PDSS2: variants seen among roughly 807,000 people sequenced by gnomAD.
The protein encoded by PDSS2 is all trans-polyprenyl-diphosphate synthase PDSS2.
In PDSS2, 31 loss-of-function variants were observed where a neutral mutation model predicts 44.5. That is an observed-to-expected ratio of 0.70 (90% CI 0.52 to 0.94). PDSS2 has a LOEUF of 0.94. Ranked by LOEUF, PDSS2 falls within the 40% of genes least tolerant of loss-of-function variation. PDSS2 has a pLI of 0.00. For missense variants in PDSS2, 452 were observed against 482.2 expected, an observed-to-expected ratio of 0.94 and a Z score of 0.59; for synonymous variants, 157 against 180.3, an observed-to-expected ratio of 0.87 and a Z score of 1.03.
At chr6:107,282,453 C>T (rs564106054) in intron 2 of PDSS2, among the ~76,000 whole-genome samples, 5 of 152,108 alleles carry the variant, frequency 3.3e-5, no homozygotes, top group African/African-American at 4.8e-5. Flanking sequence ...AGTACAGTGG[C>T]GTGACCATGG....
intron 3 of PDSS2, among the ~76,000 whole-genome samples, chr6:107,248,929 T>C (rs897793851): frequency 6.6e-6 from 1 of 152,200 alleles, no homozygotes; most frequent in Non-Finnish European, 1.5e-5. Context: ...TACCTAGAAT[T>C]ATAATAAAAC....
chr6:107,270,802 TC>T (rs1287732998), intron 3 of PDSS2, among the ~76,000 whole-genome samples: 2 of 152,196 alleles, frequency 1.3e-5, no homozygotes, highest in Non-Finnish European at 2.9e-5. Context: ...AGAATATACT[TC>T]CAAAAACTTT....
intron 4 of PDSS2, among the ~76,000 whole-genome samples, chr6:107,236,384 T>C (rs919886069): frequency 6.6e-6 from 1 of 151,904 alleles, no homozygotes; most frequent in African/African-American, 2.4e-5. Flanking sequence ...AGGAGAATTG[T>C]TTGAACCTGG....
chr6:107,264,533 C>A (rs748594141), intron 3 of PDSS2: 2 of 1,388,660 alleles, frequency 1.4e-6, no homozygotes, highest in East Asian at 2.5e-5. Flanking sequence ...AAAAAAATAA[C>A]GTGATAAATT....
intron 7 of PDSS2, 119 bp downstream of exon 7, chr6:107,193,703 C>T (rs1772458617): frequency 1.3e-6 from 1 of 751,408 alleles, no homozygotes; most frequent in Non-Finnish European, 2.4e-6. Flanking sequence ...TGTTACTTAA[C>T]AGGAAATGTC....
rs189213971 is a variant in PDSS2, at chr6:107,361,258, G to T, written c.297-26926C>A. Among the ~76,000 whole-genome samples, 3 of 152,112 alleles carry T rather than the reference G, an allele frequency of 2.0e-5. No homozygotes were observed. In the East Asian group the frequency reaches 5.8e-4, roughly 29 times the overall value. Reference sequence around the variant, plus strand: ...ATTTCTTGAATTCTAAATATTGAAGGTAAACACCAGATATATGCCAATAAA... The same window carrying T: ...ATTTCTTGAATTCTAAATATTGAAGTTAAACACCAGATATATGCCAATAAA... On this transcript the variant is annotated intron_variant, in intron 1 of 7. Transcript: ENST00000369037.
At chr6:107,258,903 G>A (rs542899424) in intron 3 of PDSS2, among the ~76,000 whole-genome samples, 1 of 152,140 alleles carries the variant, frequency 6.6e-6, no homozygotes, top group South Asian at 2.1e-4. Flanking sequence ...TAAATTCCAG[G>A]ATTGATAACT....
intron 3 of PDSS2, among the ~76,000 whole-genome samples, chr6:107,260,016 A>G (rs1482493739): frequency 6.6e-6 from 1 of 152,250 alleles, no homozygotes; most frequent in African/African-American, 2.4e-5. Flanking sequence ...CAGAACAATG[A>G]CAATTAAGCC....
At chr6:107,255,034 T>C (rs1312057264) in intron 3 of PDSS2, among the ~76,000 whole-genome samples, 1 of 150,996 alleles carries the variant, frequency 6.6e-6, no homozygotes, top group Non-Finnish European at 1.5e-5. Context: ...CAGCTAACTT[T>C]TGACTTTTGT....
At chr6:107,296,682 G>A (rs534105724) in intron 2 of PDSS2, among the ~76,000 whole-genome samples, 8 of 152,206 alleles carry the variant, frequency 5.3e-5, no homozygotes, top group Admixed American at 3.9e-4. Context: ...AGCCAAGATT[G>A]TGCCATTGCA....
At chr6:107,295,003 C>T (rs1165743388) in intron 2 of PDSS2, among the ~76,000 whole-genome samples, 1 of 152,096 alleles carries the variant, frequency 6.6e-6, no homozygotes, top group African/African-American at 2.4e-5. Context: ...GATCTTGGCT[C>T]ACTGCAACCT....
intron 1 of PDSS2, among the ~76,000 whole-genome samples, chr6:107,452,086 A>T (rs764800098): frequency 6.6e-6 from 1 of 151,962 alleles, no homozygotes; most frequent in Non-Finnish European, 1.5e-5. Context: ...GCAGTGGTAC[A>T]ATCATAGCTC....
chr6:107,244,462 A>G (rs1171442341), intron 4 of PDSS2, among the ~76,000 whole-genome samples: 2 of 152,186 alleles, frequency 1.3e-5, no homozygotes, highest in Non-Finnish European at 2.9e-5. Context: ...CATAGTAGTG[A>G]ACTTGCATGT....
In PDSS2 at chr6:107,166,646, G is replaced by A. The variant is rs1391975564; in HGVS notation, c.1042-11869C>T. Reference sequence around the variant, plus strand: ...CCCAAAGTGCTGGGATTATAGGCGTGAGCCACCATGCCCGGCCTTTATTGA... The same window carrying A: ...CCCAAAGTGCTGGGATTATAGGCGTAAGCCACCATGCCCGGCCTTTATTGA... On this transcript the variant is annotated intron_variant, in intron 7 of 7. Transcript: ENST00000369037. 5.9e-5 allele frequency among the ~76,000 whole-genome samples: 9 copies of A among 152,310 alleles called. No homozygotes were observed. The South Asian group carries it at 1.0e-3, about 18-fold the overall frequency.
intron 3 of PDSS2, among the ~76,000 whole-genome samples, chr6:107,260,725 G>A (rs1469331867): frequency 2.9e-5 from 4 of 137,194 alleles, no homozygotes; most frequent in South Asian, 2.3e-4. Flanking sequence ...GTGCAGTGGC[G>A]CAATCTCGGC....
At chr6:107,305,682 A>G (rs773259387) in intron 2 of PDSS2, among the ~76,000 whole-genome samples, 2 of 152,190 alleles carry the variant, frequency 1.3e-5, no homozygotes, top group African/African-American at 2.4e-5. Flanking sequence ...AATTACACCA[A>G]TTATTTAGAG....
chr6:107,194,838 C>T, intron 6 of PDSS2, among the ~76,000 whole-genome samples: 1 of 152,062 alleles, frequency 6.6e-6, no homozygotes, highest in East Asian at 1.9e-4. Context: ...GTAATCCCAG[C>T]TACTCAGAAG....
rs1359290066 is a variant in PDSS2, at chr6:107,367,555, A to AAG, written c.297-33224_297-33223insCT. Among the ~76,000 whole-genome samples, 3 of 151,780 alleles carry AAG rather than the reference A, an allele frequency of 2.0e-5. No homozygotes were observed. In the East Asian group the frequency reaches 5.9e-4, roughly 30 times the overall value. On this transcript the variant is annotated intron_variant, in intron 1 of 7. Coordinates refer to ENST00000369037, the MANE Select transcript of PDSS2 (RefSeq NM_020381.4). ...TCTCAGCACTTTGGGAGGCTGAGGC[A>AAG]GGTGGATCACTTCAGGTCAGGAGTT...
chr6:107,450,938 C>G (rs1781846823), intron 1 of PDSS2, among the ~76,000 whole-genome samples: 1 of 152,174 alleles, frequency 6.6e-6, no homozygotes, highest in African/African-American at 2.4e-5. Context: ...TCAAGTGATC[C>G]TCTTACCTCA....
Sources: allele counts gnomAD v4.1 joint callset (sites outside exome capture counted in the v4.1 genomes callset), GRCh38; gene constraint gnomAD v4.1.1; transcripts MANE v1.5; gene names NCBI Gene and HGNC (gene_info 2026-07-23, HGNC 2026-07-21).